The following CAMK4 variants were observed in gnomAD, a reference collection of about 807,000 sequenced individuals.
CAMK4 encodes the protein calcium/calmodulin dependent protein kinase IV.
CAMK4 carries 22 observed loss-of-function variants against 44.9 expected under a neutral mutation model. The observed-to-expected ratio is 0.49, with a 90% confidence interval of 0.35 to 0.70. The LOEUF is 0.70. Among genes scored for constraint, CAMK4 ranks in the 30% least tolerant of loss-of-function variants. The pLI, the probability that CAMK4 is intolerant of heterozygous loss-of-function variation, is 0.01. For missense variants in CAMK4, 498 were observed against 586.8 expected (o/e 0.85, Z 1.56); for synonymous variants, 218 against 215.4 (o/e 1.01, Z -0.11).
intron 4 of CAMK4, among the ~76,000 whole-genome samples, chr5:111,377,740 T>C (rs1009543010): frequency 6.6e-6 from 1 of 152,018 alleles, no homozygotes; most frequent in Non-Finnish European, 1.5e-5. Context: ...TAAGTAGGCA[T>C]ATATTAGAAA....
intron 1 of CAMK4, among the ~76,000 whole-genome samples, chr5:111,327,157 C>G (rs186807925): frequency 1.4e-5 from 2 of 143,284 alleles, no homozygotes; most frequent in African/African-American, 5.2e-5. Context: ...ATCCCTCCCC[C>G]CTCCCCCAAC....
chr5:111,481,767 A>G (rs541311784), intron 9 of CAMK4, among the ~76,000 whole-genome samples: 3 of 152,202 alleles, frequency 2.0e-5, no homozygotes, highest in Non-Finnish European at 2.9e-5. Flanking sequence ...GAGGCAAGTC[A>G]CTAAATCTTT....
intron 1 of CAMK4, among the ~76,000 whole-genome samples, chr5:111,234,819 G>A (rs1748641009): frequency 6.6e-6 from 1 of 152,180 alleles, no homozygotes; most frequent in Non-Finnish European, 1.5e-5. Context: ...AAAAGATAAT[G>A]GATAGGACAC....
At chr5:111,388,432 A>C (rs189231913) in intron 4 of CAMK4, among the ~76,000 whole-genome samples, 30 of 152,284 alleles carry the variant, frequency 2.0e-4, no homozygotes, top group Non-Finnish European at 3.4e-4. Context: ...AGAAGTTATG[A>C]ATGTGGATGA....
At chr5:111,354,866 A>C (rs558667929) in intron 2 of CAMK4, among the ~76,000 whole-genome samples, 15 of 152,222 alleles carry the variant, frequency 9.9e-5, no homozygotes, top group Admixed American at 7.9e-4. Flanking sequence ...CAGGATGCAG[A>C]ATGGAGATTC....
At chr5:111,390,569 C>A (rs1003326789) in intron 4 of CAMK4, among the ~76,000 whole-genome samples, 3 of 152,136 alleles carry the variant, frequency 2.0e-5, no homozygotes, top group Non-Finnish European at 2.9e-5. Flanking sequence ...TTTAAAATGA[C>A]AAACATTGTT....
At chr5:111,473,526 G>T (rs1474083271) in intron 8 of CAMK4, 140 bp downstream of exon 8, 12 of 610,198 alleles carry the variant, frequency 2.0e-5, no homozygotes, top group South Asian at 1.0e-4. Context: ...TGCAGTTAGT[G>T]ATAGAATTTC....
At chr5:111,242,809 C>T (rs1400059524) in intron 1 of CAMK4, among the ~76,000 whole-genome samples, 3 of 152,110 alleles carry the variant, frequency 2.0e-5, no homozygotes, top group African/African-American at 7.2e-5. Flanking sequence ...CCATGGTGCA[C>T]CTTCCCAAAC....
At chr5:111,397,810 C>T (rs1243358653) in intron 5 of CAMK4, among the ~76,000 whole-genome samples, 1 of 151,940 alleles carries the variant, frequency 6.6e-6, no homozygotes, top group Non-Finnish European at 1.5e-5. Flanking sequence ...TCTCTGATAT[C>T]ACATGTGACA....
intron 8 of CAMK4, among the ~76,000 whole-genome samples, chr5:111,476,232 T>C (rs1176035940): frequency 6.9e-6 from 1 of 145,898 alleles, no homozygotes; most frequent in Non-Finnish European, 1.5e-5. Context: ...CTTCACTCTT[T>C]GCTTCTTTGT....
At chr5:111,329,859 A>T (rs1222468390) in intron 1 of CAMK4, among the ~76,000 whole-genome samples, 1 of 151,738 alleles carries the variant, frequency 6.6e-6, no homozygotes, top group African/African-American at 2.4e-5. Flanking sequence ...GACAAACCAC[A>T]TCTATGAAAA....
intron 5 of CAMK4, among the ~76,000 whole-genome samples, chr5:111,434,790 G>T (rs1459771999): frequency 6.6e-6 from 1 of 152,122 alleles, no homozygotes; most frequent in Non-Finnish European, 1.5e-5. Flanking sequence ...TAATTTTTTT[G>T]AGTAGAAAAG....
intron 1 of CAMK4, among the ~76,000 whole-genome samples, chr5:111,228,306 T>C (rs984173085): frequency 1.3e-5 from 2 of 152,206 alleles, no homozygotes; most frequent in African/African-American, 2.4e-5. Flanking sequence ...GTAGTTTCTT[T>C]AGGCTAGGCA....
At chr5:111,432,635 T>TAC (rs1554071300) in intron 5 of CAMK4, among the ~76,000 whole-genome samples, 13 of 139,196 alleles carry the variant, frequency 9.3e-5, no homozygotes, top group African/African-American at 3.5e-4. Context: ...TATATATATA[T>TAC]ACATATATAT....
intron 2 of CAMK4, among the ~76,000 whole-genome samples, chr5:111,346,543 T>C (rs1749877940): frequency 6.6e-6 from 1 of 151,730 alleles, no homozygotes; most frequent in South Asian, 2.1e-4. Flanking sequence ...TCCAACCATC[T>C]TGTTTTTCTA....
At chr5:111,243,139 G>A (rs1749080527) in intron 1 of CAMK4, among the ~76,000 whole-genome samples, 1 of 152,142 alleles carries the variant, frequency 6.6e-6, no homozygotes, top group Admixed American at 6.5e-5. Context: ...CATTGAATAG[G>A]GACCACTGCA....
At chr5:111,246,553 G>A (rs1749248438) in intron 1 of CAMK4, among the ~76,000 whole-genome samples, 1 of 152,112 alleles carries the variant, frequency 6.6e-6, no homozygotes, top group Non-Finnish European at 1.5e-5. Flanking sequence ...GCTCTCCCAG[G>A]TGTGTTGGTT....
intron 1 of CAMK4, among the ~76,000 whole-genome samples, chr5:111,274,881 CTT>C (rs1387091708): frequency 3.3e-5 from 5 of 151,668 alleles, no homozygotes; most frequent in Non-Finnish European, 7.4e-5. Context: ...TTATACCACT[CTT>C]TTTTTTAAAA....
At chr5:111,249,656 G>GTA (rs1382956697) in intron 1 of CAMK4, among the ~76,000 whole-genome samples, 1 of 105,296 alleles carries the variant, frequency 9.5e-6, no homozygotes, top group African/African-American at 3.4e-5. Context: ...GTGTGTGTGT[G>GTA]TGTATATATA....
Sources: allele counts gnomAD v4.1 joint callset (sites outside exome capture counted in the v4.1 genomes callset), GRCh38; gene constraint gnomAD v4.1.1; transcripts MANE v1.5; gene names NCBI Gene and HGNC (gene_info 2026-07-23, HGNC 2026-07-21).